Variants in RTN4 observed in about 807,000 individuals in gnomAD.
RTN4 encodes reticulon 4.
In RTN4, 32 loss-of-function variants were observed where a neutral mutation model predicts 90.4. The ratio of observed to expected loss-of-function variants is 0.35; its 90% CI spans 0.27 to 0.48. The LOEUF (loss-of-function observed/expected upper bound fraction) is 0.48. Among genes scored for constraint, RTN4 ranks in the 20% least tolerant of loss-of-function variants. RTN4 has a pLI of 0.99. For missense variants in RTN4, 1,706 were observed against 1,430.2 expected, an observed-to-expected ratio of 1.19 and a Z score of -3.11; for synonymous variants, 629 against 552.5, an observed-to-expected ratio of 1.14 and a Z score of -1.94.
At chr2:55,092,038 A>T (rs952484297) in intron 1 of RTN4, among the ~76,000 whole-genome samples, 2 of 152,020 alleles carry the variant, frequency 1.3e-5, no homozygotes, top group Non-Finnish European at 2.9e-5. Flanking sequence ...GACACAGCCA[A>T]ACCATGCCAG....
chr2:54,981,962 A>G lies in RTN4; in HGVS notation c.3360+553T>C, dbSNP rs567490052. Among the ~76,000 whole-genome samples, 11 of 149,102 alleles carry G rather than the reference A, an allele frequency of 7.4e-5. No homozygotes were observed. The South Asian group carries it at 2.1e-3, about 29-fold the overall frequency. On this transcript the variant is annotated intron_variant, in intron 5 of 8. Coordinates refer to ENST00000337526, the MANE Select transcript of RTN4 (RefSeq NM_020532.5). ...GAAAGTATTACTATATATATATATA[A>G]TTTTTTTTTGAGACAGAGTTTCACT...
intron 1 of RTN4, among the ~76,000 whole-genome samples, chr2:55,040,369 GA>G (rs1354678880): frequency 2.0e-5 from 3 of 151,896 alleles, no homozygotes; most frequent in African/African-American, 4.8e-5. Context: ...AACCTCTTCA[GA>G]AGAGAATAAA....
At chr2:55,126,420 A>G in the RTN4 span, among the ~76,000 whole-genome samples, 1 of 152,210 alleles carries the variant, frequency 6.6e-6, no homozygotes, top group Admixed American at 6.5e-5. Flanking sequence ...AGCATATGGA[A>G]AAGAAAGCTC....
chr2:54,989,651 C>A (rs1165371581), intron 3 of RTN4, among the ~76,000 whole-genome samples: 1 of 152,088 alleles, frequency 6.6e-6, no homozygotes, highest in Non-Finnish European at 1.5e-5. Flanking sequence ...AAGGTCTTGT[C>A]CAACATTACA....
At chr2:55,036,890 T>A (rs1258844472) in intron 1 of RTN4, among the ~76,000 whole-genome samples, 1 of 152,166 alleles carries the variant, frequency 6.6e-6, no homozygotes, top group Non-Finnish European at 1.5e-5. Context: ...AGATTCTGTG[T>A]TAAACAAGCA....
intron 1 of RTN4, among the ~76,000 whole-genome samples, chr2:55,112,156 G>A (rs1443012686): frequency 2.0e-5 from 3 of 152,176 alleles, no homozygotes; most frequent in African/African-American, 7.2e-5. Flanking sequence ...GACTATATGA[G>A]GCCTACCTTC....
chr2:55,034,310 A>C (rs1235218667), intron 1 of RTN4, among the ~76,000 whole-genome samples: 1 of 152,028 alleles, frequency 6.6e-6, no homozygotes, highest in Non-Finnish European at 1.5e-5. Context: ...AGACCAGCCC[A>C]GGCAACAAAG....
chr2:54,980,702 T>A (rs945247725), intron 5 of RTN4, among the ~76,000 whole-genome samples: 2 of 152,170 alleles, frequency 1.3e-5, no homozygotes, highest in African/African-American at 4.8e-5. Context: ...CCACCAATCT[T>A]TGACTACTAA....
Position 55,026,043 on chromosome 2 carries a change from C to A in RTN4, c.2056G>T (p.Ala686Ser), listed in dbSNP as rs758307645. 13 of 1,611,252 alleles carry A rather than the reference C, an allele frequency of 8.1e-6. No individual in the cohort carries two copies. In the South Asian group the frequency reaches 1.3e-4, roughly 16 times the overall value. Residue 686 changes from alanine (A) to serine (S), a missense_variant, in exon 3 of 9, where the codon GCT becomes TCT. Transcript: ENST00000337526. ...TAAGGAGCTTCTGTTTCTTGAAGAG[C>A]TGCATTAATATTTTCAGGCTCTTTA... Reference protein sequence around the residue: ...EIKEPENINAALQETEAPYIS... With the variant: ...EIKEPENINASLQETEAPYIS...
At chr2:54,988,782 C>CAA (rs1558771046) in intron 3 of RTN4, among the ~76,000 whole-genome samples, 1 of 152,154 alleles carries the variant, frequency 6.6e-6, no homozygotes, top group African/African-American at 2.4e-5. Flanking sequence ...AGGAGTCAGA[C>CAA]AAAGCCCAAT....
chr2:55,118,395 G>A, the RTN4 span, among the ~76,000 whole-genome samples: 1 of 151,866 alleles, frequency 6.6e-6, no homozygotes, highest in Non-Finnish European at 1.5e-5. Context: ...AGCTCAAGAG[G>A]TCAAGGCTGC....
chr2:55,030,138 T>C (rs1276583868), intron 1 of RTN4, among the ~76,000 whole-genome samples: 2 of 152,170 alleles, frequency 1.3e-5, no homozygotes, highest in Non-Finnish European at 2.9e-5. Context: ...AAACATATAT[T>C]ACTGTTAAAG....
At chr2:54,987,807 A>C (rs1433760401) in intron 3 of RTN4, 109 bp from the exon 4 acceptor site, 29 of 854,000 alleles carry the variant, frequency 3.4e-5, no homozygotes, top group Non-Finnish European at 4.8e-5. Context: ...CAAACCTAAA[A>C]ATTTAAAGAA....
At chr2:55,012,976 C>T (rs1388147104) in intron 3 of RTN4, among the ~76,000 whole-genome samples, 1 of 152,128 alleles carries the variant, frequency 6.6e-6, no homozygotes. Context: ...CCTTCAACTA[C>T]CTAACTTTTA....
In RTN4 at chr2:55,037,559, G is replaced by C. The variant is rs141533225; in HGVS notation, c.557-9339C>G. Among the ~76,000 whole-genome samples the C allele has an allele frequency of 9.8e-4, 149 of 152,306 alleles. 1 individual carries two copies. The highest frequency in any genetic ancestry group is 3.2e-3 in the African/African-American group (134 of 41,566). The stretch of plus-strand genomic sequence containing the variant: ...AATGGAGCTGAGGGAACTGGCACAA[G>C]AAAATGCTAATATTCTGGCTACTGT... On this transcript the variant is annotated intron_variant, in intron 1 of 8. Transcript: ENST00000337526.
chr2:55,022,482 G>A (rs564616866), intron 3 of RTN4, among the ~76,000 whole-genome samples: 4 of 152,162 alleles, frequency 2.6e-5, no homozygotes, highest in East Asian at 3.9e-4. Context: ...AGGCTAAATC[G>A]TTCTCTCATA....
chr2:55,111,048 CAATAATAATAAT>C (rs145044576), intron 1 of RTN4, among the ~76,000 whole-genome samples: 10,329 of 151,662 alleles, frequency 0.068, 484 homozygotes, highest in East Asian at 0.19. Flanking sequence ...CTCAAAATAA[CAATAATAATAAT>C]AATAATGTAT....
intron 4 of RTN4, among the ~76,000 whole-genome samples, chr2:54,985,387 T>C (rs1211801318): frequency 6.6e-6 from 1 of 151,990 alleles, no homozygotes; most frequent in African/African-American, 2.4e-5. Flanking sequence ...CTCCAACTCC[T>C]GGCTTCAAGC....
In RTN4 at chr2:54,972,989, G is replaced by C. The variant is rs372588070; in HGVS notation, c.*167C>G. On this transcript the variant is annotated 3_prime_UTR_variant, in exon 9 of 9. Transcript: ENST00000337526. ...AAGATGATGAACACATGGCAGTCAA[G>C]ACAGGTAATTTTTCCTCACAACAGT... 3.7e-6 allele frequency: 2 copies of C among 540,436 alleles called. No individual in the cohort carries two copies. The highest frequency in any genetic ancestry group is 6.7e-6 in the Non-Finnish European group (2 of 299,180). 33.5% of individuals were successfully genotyped at this position (540,436 alleles called of 1,614,324 possible).
Sources: gnomAD v4.1 joint callset for allele counts (sites outside exome capture counted in the v4.1 genomes callset) on GRCh38, gnomAD v4.1.1 for gene constraint, MANE v1.5 for transcripts, NCBI Gene and HGNC (gene_info 2026-07-23, HGNC 2026-07-21) for gene names.